The following ASAP1 variants were observed in gnomAD, a reference collection of about 807,000 sequenced individuals.
ASAP1 encodes arf-GAP with SH3 domain, ANK repeat and PH domain-containing protein 1.
In ASAP1, 43 loss-of-function variants were observed where a neutral mutation model predicts 145.2. The observed-to-expected ratio is 0.30, with a 90% CI of 0.23 to 0.38. The LOEUF is 0.38. Ranked by LOEUF, ASAP1 falls within the 10% of genes least tolerant of loss-of-function variation. ASAP1 has a pLI of 1.00. For synonymous variants in ASAP1, 546 were observed against 515.5 expected, an observed-to-expected ratio of 1.06 and a Z score of -0.80; for missense variants, 1,018 against 1,355.3, an observed-to-expected ratio of 0.75 and a Z score of 3.91.
rs145161578 is a variant in ASAP1 at position 130,415,491 on chromosome 8, A to G, written c.-27-13521T>C. ...ACCCTGTCTCTTAAAAAAACAAAAC[A>G]AAACAAAACAAAACAGCCAGGTGTG... is the stretch of plus-strand genomic sequence containing the variant. On this transcript the variant is annotated intron_variant, in intron 1 of 29. Coordinates refer to ENST00000518721, the MANE Select transcript of ASAP1 (RefSeq NM_018482.4). Among the ~76,000 whole-genome samples, 4 of 152,226 alleles carry G rather than the reference A, an allele frequency of 2.6e-5. No homozygotes were observed. The East Asian group carries it at 7.7e-4, about 29-fold the overall frequency.
chr8:130,277,857 T>C (rs1332485957), intron 3 of ASAP1, among the ~76,000 whole-genome samples: 3 of 152,182 alleles, frequency 2.0e-5, no homozygotes, highest in Non-Finnish European at 4.4e-5. Context: ...CACATGGACG[T>C]AGCAGGACAG....
chr8:130,137,996 T>A (rs553572452), intron 13 of ASAP1, among the ~76,000 whole-genome samples: 1 of 152,220 alleles, frequency 6.6e-6, no homozygotes, highest in African/African-American at 2.4e-5. Flanking sequence ...AACTCTTTAA[T>A]TGGACCTATA....
chr8:130,236,174 G>C (rs918229803), intron 4 of ASAP1, among the ~76,000 whole-genome samples: 4 of 152,068 alleles, frequency 2.6e-5, no homozygotes, highest in African/African-American at 9.7e-5. Flanking sequence ...ACAGACCACT[G>C]ATTTCCTAGA....
intron 13 of ASAP1, 97 bp from the exon 14 acceptor site, chr8:130,137,135 T>G (rs749168605): frequency 1.6e-4 from 146 of 932,304 alleles, no homozygotes; most frequent in Non-Finnish European, 2.3e-4. Flanking sequence ...TCATAAGGCC[T>G]GCTCAGTGGT....
At chr8:130,249,319 T>G (rs144080008) in intron 3 of ASAP1, among the ~76,000 whole-genome samples, 84 of 152,300 alleles carry the variant, frequency 5.5e-4, no homozygotes, top group African/African-American at 2.0e-3. Flanking sequence ...AGACTCGCCT[T>G]TGCAGCCAAC....
intron 2 of ASAP1, among the ~76,000 whole-genome samples, chr8:130,383,304 C>G (rs1435038637): frequency 6.6e-6 from 1 of 152,182 alleles, no homozygotes; most frequent in African/African-American, 2.4e-5. Context: ...AGCCAGTGAG[C>G]GTGGGTGCAT....
At chr8:130,421,019 T>TAGCC (rs1829699450) in intron 1 of ASAP1, among the ~76,000 whole-genome samples, 1 of 152,142 alleles carries the variant, frequency 6.6e-6, no homozygotes, top group Admixed American at 6.6e-5. Context: ...ACATACAGTA[T>TAGCC]AGCCACTAAG....
intron 1 of ASAP1, among the ~76,000 whole-genome samples, chr8:130,411,773 G>A (rs745820703): frequency 1.3e-5 from 2 of 152,142 alleles, no homozygotes; most frequent in Non-Finnish European, 2.9e-5. Flanking sequence ...CTGACTCAGC[G>A]GCTTCCCAGC....
chr8:130,244,573 A>C (rs1395493354), intron 3 of ASAP1, among the ~76,000 whole-genome samples: 1 of 152,104 alleles, frequency 6.6e-6, no homozygotes, highest in Non-Finnish European at 1.5e-5. Flanking sequence ...CTTTCTATGC[A>C]CTCATCCACC....
chr8:130,060,215 G>T lies in ASAP1; in HGVS notation c.3192+364C>A, dbSNP rs570610684. On this transcript the variant is annotated intron_variant, in intron 28 of 29. Transcript: ENST00000518721. ...GGTTCCTAGGTAATAGTGACTACTT[G>T]CTCAGTGGTCTAGGTGCCAGCCAAG... Among the ~76,000 whole-genome samples the T allele has an allele frequency of 3.3e-5, 5 of 151,942 alleles. No individual in the cohort carries two copies. The South Asian group carries it at 1.0e-3, about 32-fold the overall frequency.
intron 3 of ASAP1, among the ~76,000 whole-genome samples, chr8:130,242,368 AAAAATGCTTTTT>A: frequency 6.6e-6 from 1 of 152,008 alleles, no homozygotes; most frequent in African/African-American, 2.4e-5. Flanking sequence ...AGGTCATTTA[AAAAATGCTTTTT>A]AATGGATGCA....
At chr8:130,321,007 T>C (rs1364272802) in intron 3 of ASAP1, among the ~76,000 whole-genome samples, 1 of 152,214 alleles carries the variant, frequency 6.6e-6, no homozygotes, top group Non-Finnish European at 1.5e-5. Flanking sequence ...TTTTATCTCA[T>C]CCCAAATATA....
At chr8:130,425,850 C>CT (rs1440547742) in intron 1 of ASAP1, among the ~76,000 whole-genome samples, 1 of 152,210 alleles carries the variant, frequency 6.6e-6, no homozygotes, top group Non-Finnish European at 1.5e-5. Context: ...CCCAATCTCC[C>CT]TACAATGGCC....
chr8:130,357,461 C>T (rs1477918394), intron 3 of ASAP1, among the ~76,000 whole-genome samples: 1 of 152,230 alleles, frequency 6.6e-6, no homozygotes, highest in East Asian at 1.9e-4. Context: ...CTTCAGGCAC[C>T]AGAGACTAAC....
chr8:130,281,889 AC>A (rs1242837880), intron 3 of ASAP1, among the ~76,000 whole-genome samples: 3 of 152,096 alleles, frequency 2.0e-5, no homozygotes, highest in Admixed American at 2.0e-4. Context: ...ACATAGTGAA[AC>A]CCCATCTCTA....
At chr8:130,273,633 G>T (rs1820711888) in intron 3 of ASAP1, among the ~76,000 whole-genome samples, 2 of 152,170 alleles carry the variant, frequency 1.3e-5, no homozygotes, top group African/African-American at 4.8e-5. Context: ...CCTGATGGAG[G>T]TTGTCTACAA....
intron 3 of ASAP1, among the ~76,000 whole-genome samples, chr8:130,292,406 C>T (rs1349729777): frequency 6.6e-6 from 1 of 152,150 alleles, no homozygotes; most frequent in East Asian, 1.9e-4. Flanking sequence ...TATCTGCCTG[C>T]CCCCCAATCC....
intron 3 of ASAP1, among the ~76,000 whole-genome samples, chr8:130,313,661 T>C (rs538767408): frequency 9.9e-5 from 15 of 152,126 alleles, no homozygotes; most frequent in Non-Finnish European, 1.9e-4. Flanking sequence ...CTACAGAAAA[T>C]AAAAAATAAA....
intron 14 of ASAP1, 90 bp from the exon 15 acceptor site, chr8:130,134,434 C>A (rs2097589541): frequency 4.1e-6 from 3 of 738,344 alleles, no homozygotes; most frequent in Non-Finnish European, 4.2e-6. Context: ...GGAAGAAAAC[C>A]AGTAAAAGTA....
Sources: gnomAD v4.1 joint callset for allele counts (sites outside exome capture counted in the v4.1 genomes callset) on GRCh38, gnomAD v4.1.1 for gene constraint, MANE v1.5 for transcripts, NCBI Gene and HGNC (gene_info 2026-07-23, HGNC 2026-07-21) for gene names.